The following SYNE2 variants were observed in gnomAD, a reference collection of about 807,000 sequenced individuals.
SYNE2 encodes spectrin repeat containing nuclear envelope protein 2, also known as nesprin-2.
In SYNE2, 431 loss-of-function variants were observed where a neutral mutation model predicts 856.3. That is an observed-to-expected ratio of 0.50 (90% CI 0.47 to 0.55). The LOEUF (loss-of-function observed/expected upper bound fraction) is 0.55. Among genes scored for constraint, SYNE2 ranks in the 20% least tolerant of loss-of-function variants. The pLI, the probability that SYNE2 is intolerant of heterozygous loss-of-function variation, is 0.00. For synonymous variants in SYNE2, 2,923 were observed against 2,872.3 expected (o/e 1.02, Z -0.56); for missense variants, 8,129 against 8,023.2 (o/e 1.01, Z -0.50).
intron 61 of SYNE2, among the ~76,000 whole-genome samples, chr14:64,094,480 A>C (rs968590320): frequency 5.9e-5 from 9 of 152,250 alleles, no homozygotes; most frequent in Non-Finnish European, 2.9e-5. Flanking sequence ...AACAACAAAA[A>C]AACGTGATTG....
intron 93 of SYNE2, among the ~76,000 whole-genome samples, chr14:64,169,488 T>C (rs913987857): frequency 6.6e-6 from 1 of 152,242 alleles, no homozygotes; most frequent in Admixed American, 6.5e-5. Context: ...CTGCTAATGC[T>C]GAGTGAGTCT....
At chr14:64,195,761 G>A (rs2098538091) in intron 99 of SYNE2, among the ~76,000 whole-genome samples, 1 of 152,150 alleles carries the variant, frequency 6.6e-6, no homozygotes, top group African/African-American at 2.4e-5. Flanking sequence ...TTTTCTCAAG[G>A]TTTTCTGGAA....
chr14:64,011,766 T>C (rs2096847624), intron 32 of SYNE2, among the ~76,000 whole-genome samples: 1 of 152,220 alleles, frequency 6.6e-6, no homozygotes, highest in Non-Finnish European at 1.5e-5. Flanking sequence ...ACCCCATAAC[T>C]GTATAACCTT....
chr14:63,804,732 G>T (rs898771505), intron 1 of SYNE2, among the ~76,000 whole-genome samples: 7 of 152,160 alleles, frequency 4.6e-5, no homozygotes, highest in African/African-American at 1.7e-4. Context: ...GAACTCAGGT[G>T]ATCCGCCCGC....
rs1282060227 is a variant in SYNE2, at chr14:64,218,304, CTCATT to C, written c.19543-91_19543-87del. ...TACCCTTCAAAGGAAAGGGGCCCAT[CTCATT>C]TCTTCACTGTTAATATGAAATGAAT... On this transcript the variant is annotated intron_variant, in intron 108 of 115. Transcript: ENST00000555002. 2.6e-6 allele frequency: 3 copies of C among 1,144,330 alleles called. No homozygotes were observed. In the African/African-American group the frequency reaches 4.5e-5, roughly 17 times the overall value. 70.9% of individuals were successfully genotyped at this position (1,144,330 alleles called of 1,614,324 possible). A position where few individuals can be genotyped will look rare whatever the true frequency, so the allele number is the denominator to read the frequency against.
At chr14:64,047,865 C>T (rs902231566) in intron 45 of SYNE2, 135 bp from the exon 46 acceptor site, 20 of 923,366 alleles carry the variant, frequency 2.2e-5, no homozygotes, top group Middle Eastern at 3.4e-4. Context: ...AATCATCTTT[C>T]GTAGTGCCCA....
At chr14:63,971,523 A>G (rs2096476759) in intron 11 of SYNE2, among the ~76,000 whole-genome samples, 1 of 152,006 alleles carries the variant, frequency 6.6e-6, no homozygotes, top group Non-Finnish European at 1.5e-5. Flanking sequence ...GGTTTTATAT[A>G]TAAATATACA....
chr14:63,919,671 G>A (rs2095573646), intron 2 of SYNE2, among the ~76,000 whole-genome samples: 1 of 152,174 alleles, frequency 6.6e-6, no homozygotes, highest in East Asian at 1.9e-4. Context: ...AAAAGCAGGT[G>A]AACGCAATGG....
At chr14:63,966,828 A>G (rs1595920999) in intron 10 of SYNE2, among the ~76,000 whole-genome samples, 1 of 151,854 alleles carries the variant, frequency 6.6e-6, no homozygotes, top group East Asian at 1.9e-4. Context: ...CCAAATTGCT[A>G]GGATTACAGT....
At chr14:64,109,547 A>G (rs148551193) in intron 65 of SYNE2, among the ~76,000 whole-genome samples, 78 of 152,308 alleles carry the variant, frequency 5.1e-4, no homozygotes, top group African/African-American at 1.8e-3. Flanking sequence ...TTGAACTATT[A>G]GGCTCCAGTG....
At chr14:63,995,773 A>G (rs2096709701) in intron 23 of SYNE2, among the ~76,000 whole-genome samples, 1 of 137,374 alleles carries the variant, frequency 7.3e-6, no homozygotes, top group Non-Finnish European at 1.6e-5. Context: ...ATCTAGATAT[A>G]TATAAACAGA....
intron 21 of SYNE2, among the ~76,000 whole-genome samples, chr14:63,991,737 C>G (rs2096667999): frequency 6.6e-6 from 1 of 152,128 alleles, no homozygotes; most frequent in Admixed American, 6.5e-5. Context: ...AGCTAAATGC[C>G]TCTACCTTGG....
At chr14:63,769,225 A>G (rs1345036685) in intron 1 of SYNE2, among the ~76,000 whole-genome samples, 2 of 152,258 alleles carry the variant, frequency 1.3e-5, no homozygotes, top group Non-Finnish European at 2.9e-5. Context: ...AGATAGGTCA[A>G]GACTGTAGTG....
intron 1 of SYNE2, among the ~76,000 whole-genome samples, chr14:63,826,509 C>T (rs1476666660): frequency 5.9e-5 from 9 of 152,088 alleles, no homozygotes; most frequent in Non-Finnish European, 1.5e-5. Flanking sequence ...ACCATGTTGG[C>T]CGGGATGGTC....
At chr14:63,923,224 C>T (rs2095621645) in intron 2 of SYNE2, among the ~76,000 whole-genome samples, 1 of 152,158 alleles carries the variant, frequency 6.6e-6, no homozygotes, top group African/African-American at 2.4e-5. Flanking sequence ...GGCTTATTTT[C>T]ATGTGCTAAA....
At chr14:63,909,676 TA>T (rs2095449591) in intron 2 of SYNE2, among the ~76,000 whole-genome samples, 1 of 152,152 alleles carries the variant, frequency 6.6e-6, no homozygotes, top group Non-Finnish European at 1.5e-5. Flanking sequence ...ACCCTGTCTC[TA>T]CTAAAAATAC....
chr14:64,224,362 C>T lies in SYNE2; in HGVS notation c.20383-99C>T, dbSNP rs946678134. ...TGAGACTGTCTAAAACAAAACAAAA[C>T]AAAAAAAGATTGATTTAAGGTAGGG... On this transcript the variant is annotated intron_variant, in intron 113 of 115. Coordinates refer to ENST00000555002, the MANE Select transcript of SYNE2 (RefSeq NM_182914.3). 6.7e-6 allele frequency: 8 copies of T among 1,191,094 alleles called. No individual in the cohort carries two copies. In the African/African-American group the frequency reaches 1.2e-4, roughly 18 times the overall value. 73.8% of individuals were successfully genotyped at this position (1,191,094 alleles called of 1,614,324 possible).
rs772354856 is a variant in SYNE2 at position 64,107,527 on chromosome 14, A to G, written c.12529A>G (p.Met4177Val). The G allele has an allele frequency of 3.0e-5, 49 of 1,614,074 alleles. No homozygotes were observed. The highest frequency in any genetic ancestry group is 4.5e-5 in the East Asian group (2 of 44,890). ...YGKISTSDNSMAQILTPDSLN... is the reference protein window; with the variant it reads ...YGKISTSDNSVAQILTPDSLN... ...GAAAATAAGCACCTCTGATAATTCC[A>G]TGGCACAAATCCTCACACCAGACTC... Residue 4177 changes from methionine to valine, a missense_variant, in exon 65 of 116, where the codon ATG becomes GTG. Coordinates refer to ENST00000555002, the MANE Select transcript of SYNE2 (RefSeq NM_182914.3).
chr14:63,898,750 T>G (rs562473206), intron 1 of SYNE2, among the ~76,000 whole-genome samples: 4 of 152,192 alleles, frequency 2.6e-5, no homozygotes, highest in Non-Finnish European at 5.9e-5. Context: ...CATACATTTT[T>G]TTTGAGCTTT....
Sources: allele counts gnomAD v4.1 joint callset (sites outside exome capture counted in the v4.1 genomes callset), GRCh38; gene constraint gnomAD v4.1.1; transcripts MANE v1.5; gene names NCBI Gene and HGNC (gene_info 2026-07-23, HGNC 2026-07-21).